The following PPP2R2C variants were observed in gnomAD, a reference collection of about 807,000 sequenced individuals.
The protein encoded by PPP2R2C is protein phosphatase 2 regulatory subunit Bgamma, also known as protein phosphatase 2, regulatory subunit B, gamma.
A neutral mutation model predicts 45.3 loss-of-function variants in PPP2R2C; 10 were observed. The observed-to-expected ratio is 0.22, with a 90% CI of 0.14 to 0.37. The LOEUF (loss-of-function observed/expected upper bound fraction) is 0.37, where lower values mean the gene tolerates loss of function less well. Among genes scored for constraint, PPP2R2C ranks in the 10% least tolerant of loss-of-function variants. The pLI, the probability that PPP2R2C is intolerant of heterozygous loss-of-function variation, is 1.00. For missense variants in PPP2R2C, 308 were observed against 619.7 expected (o/e 0.50, Z 5.34); for synonymous variants, 257 against 245.4 (o/e 1.05, Z -0.44).
At chr4:6,417,480 C>A (rs1444755188) in intron 1 of PPP2R2C, among the ~76,000 whole-genome samples, 1 of 152,198 alleles carries the variant, frequency 6.6e-6, no homozygotes, top group African/African-American at 2.4e-5. Flanking sequence ...TTGGGTGGCA[C>A]CCAGCCCCTG....
intron 1 of PPP2R2C, among the ~76,000 whole-genome samples, chr4:6,405,886 A>G (rs554627848): frequency 1.3e-5 from 2 of 152,196 alleles, no homozygotes; most frequent in South Asian, 4.1e-4. Flanking sequence ...ATCAAAACCC[A>G]TCTTGGTGAC....
chr4:6,561,936 C>A (rs1016354765), intron 1 of PPP2R2C, among the ~76,000 whole-genome samples: 3 of 152,368 alleles, frequency 2.0e-5, no homozygotes, highest in Admixed American at 1.3e-4. Context: ...AACAATTCCA[C>A]ACTGAGAAGC....
chr4:6,487,690 GT>G (rs1030503597), intron 2 of PPP2R2C, among the ~76,000 whole-genome samples: 3 of 151,774 alleles, frequency 2.0e-5, no homozygotes, highest in Non-Finnish European at 2.9e-5. Context: ...CCTTAGTGTG[GT>G]TTTTTCCCAT....
Position 6,449,912 on chromosome 4 carries a change from C to T in PPP2R2C, c.70+22248G>A, listed in dbSNP as rs1720645511. ...CTCGCCAGAGAGGACTGAAAACAGC[C>T]CCACCCCAATCTGCTGGCAGAGGCT... On this transcript the variant is annotated intron_variant, in intron 1 of 8. Coordinates refer to ENST00000382599, the MANE Select transcript of PPP2R2C (RefSeq NM_020416.4). Among the ~76,000 whole-genome samples, 6 of 152,222 alleles carry T rather than the reference C, an allele frequency of 3.9e-5. No individual in the cohort carries two copies. The South Asian group carries it at 1.2e-3, about 32-fold the overall frequency.
intron 2 of PPP2R2C, among the ~76,000 whole-genome samples, chr4:6,515,694 C>T (rs1723807985): frequency 6.6e-6 from 1 of 152,236 alleles, no homozygotes; most frequent in Non-Finnish European, 1.5e-5. Context: ...AAATATCATT[C>T]ATTCAGCAAG....
At position 6,414,139 on chromosome 4, in the gene PPP2R2C, T is replaced by C. The variant is rs114192497; in HGVS notation, c.71-33045A>G. Reference sequence around the variant, plus strand: ...GTGTGTGTGTACAGGTAAATAAACATTGAAAGAAACAAAATACGGCCTAGT... The same window carrying C: ...GTGTGTGTGTACAGGTAAATAAACACTGAAAGAAACAAAATACGGCCTAGT... On this transcript the variant is annotated intron_variant, in intron 1 of 8. Coordinates refer to ENST00000382599, the MANE Select transcript of PPP2R2C (RefSeq NM_020416.4). 16,528 of 1,211,328 alleles carry C rather than the reference T, an allele frequency of 0.014. 185 individuals are homozygous for C. The highest frequency in any genetic ancestry group is 0.016 in the Non-Finnish European group (14,741 of 925,372). The allele number at this position is 1,211,328 out of a possible 1,614,324, so 75.0% of individuals were successfully genotyped here.
chr4:6,552,152 A>G (rs1419351478), intron 1 of PPP2R2C, among the ~76,000 whole-genome samples: 2 of 152,210 alleles, frequency 1.3e-5, no homozygotes, highest in African/African-American at 4.8e-5. Context: ...AATCATTTCC[A>G]TGGCACCTGC....
chr4:6,337,791 C>G (rs1481841537), intron 6 of PPP2R2C, among the ~76,000 whole-genome samples: 1 of 146,102 alleles, frequency 6.8e-6, no homozygotes, highest in Non-Finnish European at 1.5e-5. Context: ...GGCGCTGGCC[C>G]TTGTCGCCCC....
intron 1 of PPP2R2C, chr4:6,383,551 G>A (rs1716011342): frequency 2.8e-6 from 2 of 722,082 alleles, no homozygotes; most frequent in Non-Finnish European, 4.0e-6. Flanking sequence ...GTACCAGCAT[G>A]GCTCCTTCCT....
intron 5 of PPP2R2C, among the ~76,000 whole-genome samples, chr4:6,369,589 T>A (rs1560487714): frequency 6.6e-6 from 1 of 152,174 alleles, no homozygotes; most frequent in African/African-American, 2.4e-5. Context: ...TCGGGGCCCC[T>A]ACCCCAAGAG....
intron 5 of PPP2R2C, among the ~76,000 whole-genome samples, chr4:6,365,234 G>A (rs1176598761): frequency 6.6e-6 from 1 of 152,216 alleles, no homozygotes; most frequent in Non-Finnish European, 1.5e-5. Context: ...CCGTGGGCAG[G>A]TAGTGGCAGA....
At chr4:6,559,272 G>A (rs1400567250) in intron 1 of PPP2R2C, among the ~76,000 whole-genome samples, 1 of 152,018 alleles carries the variant, frequency 6.6e-6, no homozygotes, top group Non-Finnish European at 1.5e-5. Context: ...GGGGCAGTGG[G>A]CACGTCCACA....
rs781292828 is a variant in PPP2R2C, at chr4:6,380,985, A to C, written c.168+12T>G. ...ACCCCTCCCACCTCCCACCAGACCC[A>C]GGGCTTCGCACCTCTGGTTCCCGCT... On this transcript the variant is annotated intron_variant, in intron 2 of 8. Transcript: ENST00000382599. The C allele has an allele frequency of 2.3e-5, 32 of 1,415,346 alleles. No homozygotes were observed. The highest frequency in any genetic ancestry group is 3.1e-5 in the South Asian group (2 of 63,826). 87.7% of individuals were successfully genotyped at this position (1,415,346 alleles called of 1,614,324 possible).
In PPP2R2C at chr4:6,416,396, G is replaced by A. The variant is rs75367094; in HGVS notation, c.71-35302C>T. 3.1e-3 allele frequency among the ~76,000 whole-genome samples: 476 copies of A among 152,298 alleles called. 6 individuals are homozygous for A. The highest frequency in any genetic ancestry group is 0.011 in the African/African-American group (456 of 41,562). ...ACTCAAGGCCTCTTTCCACCATCCC[G>A]TGAAAATACTCAGAGGCAGTCCATC... is the stretch of plus-strand genomic sequence containing the variant. On this transcript the variant is annotated intron_variant, in intron 1 of 8. Transcript: ENST00000382599.
intron 8 of PPP2R2C, among the ~76,000 whole-genome samples, chr4:6,325,393 G>A (rs921944332): frequency 6.6e-6 from 1 of 152,160 alleles, no homozygotes; most frequent in Non-Finnish European, 1.5e-5. Flanking sequence ...ATGCGAGGGG[G>A]GCCGGGTGAA....
chr4:6,326,782 G>A (rs907156979), intron 8 of PPP2R2C, among the ~76,000 whole-genome samples: 3 of 152,222 alleles, frequency 2.0e-5, no homozygotes, highest in Non-Finnish European at 4.4e-5. Context: ...TCCACAGCAC[G>A]CTGCCCATCT....
intron 1 of PPP2R2C, among the ~76,000 whole-genome samples, chr4:6,550,276 C>T (rs1387682852): frequency 6.6e-6 from 1 of 152,118 alleles, no homozygotes; most frequent in Non-Finnish European, 1.5e-5. Flanking sequence ...AAAGCACAGA[C>T]ACAATCAGCC....
At chr4:6,427,684 G>A (rs1024533725) in intron 1 of PPP2R2C, among the ~76,000 whole-genome samples, 1 of 152,234 alleles carries the variant, frequency 6.6e-6, no homozygotes, top group Non-Finnish European at 1.5e-5. Flanking sequence ...GCTCGGTGAT[G>A]GATCTGTTTA....
chr4:6,493,872 T>C (rs62286089), intron 2 of PPP2R2C, among the ~76,000 whole-genome samples: 19,980 of 152,222 alleles, frequency 0.13, 1,516 homozygotes, highest in Non-Finnish European at 0.17. Context: ...CCTCGGTGTA[T>C]TCTGTTACCT....
Sources: allele counts gnomAD v4.1 joint callset (sites outside exome capture counted in the v4.1 genomes callset), GRCh38; gene constraint gnomAD v4.1.1; transcripts MANE v1.5; gene names NCBI Gene and HGNC (gene_info 2026-07-23, HGNC 2026-07-21).